PTCD1: variants seen among roughly 807,000 people sequenced by gnomAD.
PTCD1 encodes pentatricopeptide repeat domain 1.
PTCD1 carries 50 observed loss-of-function variants against 53.4 expected under a neutral mutation model. The observed-to-expected ratio is 0.94, with a 90% CI of 0.75 to 1.19. The LOEUF is 1.19. Among genes scored for constraint, PTCD1 ranks in the 50% most tolerant of loss-of-function variants. PTCD1 has a pLI of 0.00. For synonymous variants in PTCD1, 413 were observed against 394.8 expected, an observed-to-expected ratio of 1.05 and a Z score of -0.55; for missense variants, 918 against 904.8, an observed-to-expected ratio of 1.01 and a Z score of -0.19.
chr7:99,427,448 G>A (rs1284618381), intron 5 of PTCD1, among the ~76,000 whole-genome samples: 2 of 143,738 alleles, frequency 1.4e-5, no homozygotes, highest in South Asian at 2.2e-4. Flanking sequence ...GAGCCCCTCT[G>A]CCAGGCCAGC....
At chr7:99,420,841 G>A (rs1345375986) in intron 7 of PTCD1, among the ~76,000 whole-genome samples, 1 of 152,158 alleles carries the variant, frequency 6.6e-6, no homozygotes, top group Non-Finnish European at 1.5e-5. Flanking sequence ...CAGCTACCTG[G>A]GAGGTTAAGG....
Position 99,417,920 on chromosome 7 carries a change from T to A in PTCD1, c.*2047A>T. On this transcript the variant is annotated 3_prime_UTR_variant, in exon 8 of 8. Transcript: ENST00000292478. ...ACATCAGGGAAGGACAACCAGTGAG[T>A]TCCTGTCCCTTTCAGTCCTCACAGT... 7.8e-7 allele frequency: 1 copy of A among 1,288,796 alleles called. No individual in the cohort carries two copies. The highest frequency in any genetic ancestry group is 9.9e-7 in the Non-Finnish European group (1 of 1,007,230). The allele number at this position is 1,288,796 out of a possible 1,614,324, so 79.8% of individuals were successfully genotyped here. A position where few individuals can be genotyped will look rare whatever the true frequency, so the allele number is the denominator to read the frequency against.
At position 99,417,472 on chromosome 7, in the gene PTCD1, C is replaced by G; in HGVS notation, c.*2495G>C. ...TTAAAGAAGGCTATGCAGACAAAAA[C>G]CTGATTGCAAAATGGAAAAAGCAAG... On this transcript the variant is annotated 3_prime_UTR_variant, in exon 8 of 8. Transcript: ENST00000292478. 1.2e-6 allele frequency: 2 copies of G among 1,612,334 alleles called. No individual in the cohort carries two copies. Among genetic ancestry groups the G allele is most frequent in the East Asian group, 2.2e-5 (1 of 44,882 alleles).
At chr7:99,432,035 G>T (rs903958238) in intron 3 of PTCD1, among the ~76,000 whole-genome samples, 5 of 152,316 alleles carry the variant, frequency 3.3e-5, no homozygotes, top group African/African-American at 1.2e-4. Context: ...AGTACCCAGG[G>T]ACACAATACA....
intron 6 of PTCD1, among the ~76,000 whole-genome samples, chr7:99,424,500 A>G (rs959158173): frequency 1.4e-4 from 21 of 152,166 alleles, no homozygotes; most frequent in African/African-American, 5.1e-4. Flanking sequence ...AATCCCTGCC[A>G]TACCTCTAGA....
At chr7:99,437,752 C>T (rs1443447056) in intron 1 of PTCD1, among the ~76,000 whole-genome samples, 1 of 152,100 alleles carries the variant, frequency 6.6e-6, no homozygotes, top group Non-Finnish European at 1.5e-5. Context: ...GCAACCTCTG[C>T]CTCCCGGGTT....
intron 3 of PTCD1, 190 bp downstream of exon 3, chr7:99,433,088 C>A (rs1437620610): frequency 7.2e-6 from 6 of 834,292 alleles, no homozygotes; most frequent in Non-Finnish European, 1.2e-5. Flanking sequence ...CGCCACAGTC[C>A]AGGCAGGTGC....
intron 2 of PTCD1, among the ~76,000 whole-genome samples, chr7:99,434,220 C>A (rs1468842208): frequency 6.6e-6 from 1 of 151,572 alleles, no homozygotes; most frequent in Non-Finnish European, 1.5e-5. Context: ...CCAAGGCGGG[C>A]GGATCACCTG....
chr7:99,437,988 T>C (rs1562849603), intron 1 of PTCD1, among the ~76,000 whole-genome samples: 1 of 152,172 alleles, frequency 6.6e-6, no homozygotes, highest in Non-Finnish European at 1.5e-5. Flanking sequence ...TATCTGGAAC[T>C]ATCATTTACA....
intron 1 of PTCD1, among the ~76,000 whole-genome samples, chr7:99,436,862 TTTC>T (rs1796485683): frequency 6.6e-6 from 1 of 152,312 alleles, no homozygotes; most frequent in Non-Finnish European, 1.5e-5. Context: ...TTTATGTAAT[TTTC>T]TTTTTTGTGG....
chr7:99,426,678 T>C (rs1796039847), intron 5 of PTCD1, among the ~76,000 whole-genome samples: 1 of 140,120 alleles, frequency 7.1e-6, no homozygotes, highest in African/African-American at 2.7e-5. Context: ...GGCTGCCCAG[T>C]CTGGAAAGTG....
chr7:99,419,060 G>C lies in PTCD1; in HGVS notation c.*907C>G, dbSNP rs28495024. The C allele has an allele frequency of 0.27, 87,609 of 327,192 alleles. 21,317 individuals are homozygous for C. The highest frequency in any genetic ancestry group is 0.82 in the African/African-American group (37,593 of 46,064). 20.3% of individuals were successfully genotyped at this position (327,192 alleles called of 1,614,324 possible). A position where few individuals can be genotyped will look rare whatever the true frequency, so the allele number is the denominator to read the frequency against. On this transcript the variant is annotated 3_prime_UTR_variant, in exon 8 of 8. Transcript: ENST00000292478. ...AGTCCCCAAACAGTAGCAGAGCCACGTCTGCTCATCGCAGGGTCTGTCATG... is the reference window on the plus strand; with the variant it reads ...AGTCCCCAAACAGTAGCAGAGCCACCTCTGCTCATCGCAGGGTCTGTCATG...
intron 5 of PTCD1, 57 bp downstream of exon 5, chr7:99,429,046 T>A: frequency 6.3e-7 from 1 of 1,597,376 alleles, no homozygotes; most frequent in Non-Finnish European, 8.6e-7. Flanking sequence ...AGGATCACCA[T>A]TTTGCACCTC....
chr7:99,421,062 T>C (rs984079726), intron 7 of PTCD1, among the ~76,000 whole-genome samples: 10 of 152,188 alleles, frequency 6.6e-5, no homozygotes, highest in East Asian at 1.9e-4. Flanking sequence ...ATCACGAATA[T>C]AAACAAGTCC....
chr7:99,434,883 C>A lies in PTCD1; in HGVS notation c.360G>T (p.Glu120Asp). 6.2e-7 allele frequency: 1 copy of A among 1,614,212 alleles called. No individual in the cohort carries two copies. Among genetic ancestry groups the A allele is most frequent in the Non-Finnish European group, 8.5e-7 (1 of 1,180,048 alleles). ...ATAATTTGGGCTCCGGTTCCATTTG[C>A]TCATCTCTCCGTTCCCCAAACCGCA... ...HNLRFGERRD[E>D]QMEPEPKLWR... is the part of the protein sequence containing the mutation. Residue 120 changes from glutamate (E) to aspartate (D), a missense_variant, in exon 2 of 8, where the codon GAG becomes GAT. Transcript: ENST00000292478.
chr7:99,426,670 C>A (rs1180946163), intron 5 of PTCD1, among the ~76,000 whole-genome samples: 3 of 149,808 alleles, frequency 2.0e-5, no homozygotes, highest in Non-Finnish European at 4.4e-5. Flanking sequence ...CTCTGCCTGG[C>A]TGCCCAGTCT....
chr7:99,424,717 A>C, intron 6 of PTCD1, 78 bp downstream of exon 6: 1 of 1,561,694 alleles, frequency 6.4e-7, no homozygotes, highest in African/African-American at 1.4e-5. Context: ...GGGTCTGCAG[A>C]CCCCTCAAAC....
At position 99,420,021 on chromosome 7, in the gene PTCD1, C is replaced by A. The variant is rs1795727691; in HGVS notation, c.2049G>T (p.Gly683=). The change falls in exon 8 of 8, where the codon GGG becomes GGT. Residue 683 remains glycine (G), a synonymous_variant. Transcript: ENST00000292478. ...CAGCCTCCTTGCCGGTGTCCTGGTCCCCCTGGGGCTTGGTCCGGAACTTCT... is the reference window on the plus strand; with the variant it reads ...CAGCCTCCTTGCCGGTGTCCTGGTCACCCTGGGGCTTGGTCCGGAACTTCT... ...PWQKFRTKPQ[G]DQDTGKEADD... The A allele has an allele frequency of 1.9e-6, 3 of 1,614,094 alleles. No homozygotes were observed. Among genetic ancestry groups the A allele is most frequent in the African/African-American group, 1.3e-5 (1 of 74,928 alleles).
Position 99,425,386 on chromosome 7 carries a change from C to G in PTCD1, c.1146G>C (p.Glu382Asp), listed in dbSNP as rs766779468. The G allele has an allele frequency of 5.0e-6, 8 of 1,614,198 alleles. No individual in the cohort carries two copies. The East Asian group carries it at 6.7e-5, about 13-fold the overall frequency. The change falls in exon 6 of 8, where the codon GAG becomes GAC. Residue 382 changes from glutamate (E) to aspartate (D), a missense_variant. Coordinates refer to ENST00000292478, the MANE Select transcript of PTCD1 (RefSeq NM_015545.4). ...CCAGAAACAGCTGCCTCTCCAGGGC[C>G]TCCACATGCAGCATGGCTGACATGA... Reference protein sequence around the residue: ...GNLMSAMLHVEALERQLFLEP... With the variant: ...GNLMSAMLHVDALERQLFLEP...
Sources: gnomAD v4.1 joint callset for allele counts (sites outside exome capture counted in the v4.1 genomes callset) on GRCh38, gnomAD v4.1.1 for gene constraint, MANE v1.5 for transcripts, NCBI Gene and HGNC (gene_info 2026-07-23, HGNC 2026-07-21) for gene names.